The following PTGES2 variants were observed in gnomAD, a reference collection of about 807,000 sequenced individuals.
PTGES2 encodes the protein GATE-binding factor 1.
In PTGES2, 35 loss-of-function variants were observed where a neutral mutation model predicts 44.5. That is an observed-to-expected ratio of 0.79 (90% CI 0.60 to 1.04). PTGES2 has a LOEUF of 1.04. PTGES2 is among the 50% of genes least tolerant of loss of function. PTGES2 has a pLI of 0.00. For missense variants in PTGES2, 517 were observed against 521.4 expected, an observed-to-expected ratio of 0.99 and a Z score of 0.08; for synonymous variants, 221 against 227.5, an observed-to-expected ratio of 0.97 and a Z score of 0.26.
At position 128,124,495 on chromosome 9, in the gene PTGES2, G is replaced by A. The variant is rs766720673; in HGVS notation, c.533C>T (p.Ser178Leu). 11 of 1,613,534 alleles carry A rather than the reference G, an allele frequency of 6.8e-6. No individual in the cohort carries two copies. The highest frequency in any genetic ancestry group is 1.7e-4 in the Middle Eastern group (1 of 5,972). Reference sequence around the variant, plus strand: ...TGGTCTCCGAGGGGCTCCTTACCCCGACACCAGGTAGGTCTTGAGGGCGCT... The same window carrying A: ...TGGTCTCCGAGGGGCTCCTTACCCCAACACCAGGTAGGTCTTGAGGGCGCT... ...IISALKTYLV[S>L]GQPLEEIITY... The change falls in exon 3 of 7, where the codon TCG (serine) becomes TTG (leucine). Residue 178 changes from serine (S) to leucine (L), a missense_variant. Coordinates refer to ENST00000338961, the MANE Select transcript of PTGES2 (RefSeq NM_025072.7).
chr9:128,124,008 TC>T (rs1834524773), intron 3 of PTGES2, among the ~76,000 whole-genome samples, 157 bp from the exon 4 acceptor site: 1 of 151,742 alleles, frequency 6.6e-6, no homozygotes, highest in African/African-American at 2.4e-5. Context: ...CAGGGCTACC[TC>T]CCCAAGAGAG....
intron 6 of PTGES2, 131 bp downstream of exon 6, chr9:128,122,231 G>C (rs1834436715): frequency 1.4e-6 from 1 of 734,282 alleles, no homozygotes; most frequent in East Asian, 2.5e-5. Context: ...GCGAGTTTCT[G>C]TCCGTGATGG....
chr9:128,126,725 T>A (rs760843594), intron 1 of PTGES2, among the ~76,000 whole-genome samples: 1 of 151,190 alleles, frequency 6.6e-6, no homozygotes, highest in Non-Finnish European at 1.5e-5. Flanking sequence ...CCGGGCTGGG[T>A]GGCAGGCGCC....
At position 128,127,512 on chromosome 9, in the gene PTGES2, G is replaced by T; in HGVS notation, c.206C>A (p.Ala69Asp). 1.5e-6 allele frequency: 2 copies of T among 1,340,500 alleles called. No individual in the cohort carries two copies. The highest frequency in any genetic ancestry group is 1.9e-6 in the Non-Finnish European group (2 of 1,044,566). 83.0% of individuals were successfully genotyped at this position (1,340,500 alleles called of 1,614,324 possible). ...LGAAALALGG[A>D]LGLYHTARWH... ...CCGCGCCGTGTGGTACAGCCCCAGG[G>T]CTCCCCCCAGGGCCAGCGCCGCAGC... Residue 69 changes from alanine (A) to aspartate (D), a missense_variant, in exon 1 of 7, where the codon GCC becomes GAC. By Grantham distance (126) the Ala-to-Asp change is moderately radical. Transcript: ENST00000338961.
upstream of PTGES2, chr9:128,127,763 C>G (rs985829791): frequency 8.0e-7 from 1 of 1,242,538 alleles, no homozygotes; most frequent in South Asian, 3.2e-5. Flanking sequence ...ACGAAGACGC[C>G]GAGGCACGCG....
chr9:128,127,786 G>A, upstream of PTGES2: 5 of 1,226,196 alleles, frequency 4.1e-6, no homozygotes, highest in South Asian at 6.4e-5. Flanking sequence ...GCGTTTAAAG[G>A]GCCAGGACTC....
At chr9:128,128,214 C>G (rs1003523756), upstream of PTGES2, 36 of 424,524 alleles carry the variant, frequency 8.5e-5, no homozygotes, top group South Asian at 6.1e-4. Flanking sequence ...TGTCCGCTTC[C>G]TACTGTGACC....
At position 128,124,526 on chromosome 9, in the gene PTGES2, T is replaced by C. The variant is rs1359335266; in HGVS notation, c.502A>G (p.Ile168Val). The change falls in exon 3 of 7, where the codon ATC becomes GTC. Residue 168 changes from isoleucine (I) to valine (V), a missense_variant. By Grantham distance (29) the Ile-to-Val change is conservative. Coordinates refer to ENST00000338961, the MANE Select transcript of PTGES2 (RefSeq NM_025072.7). Reference protein sequence around the residue: ...SSQQLNDSSVIISALKTYLVS... With the variant: ...SSQQLNDSSVVISALKTYLVS... ...AGGTAGGTCTTGAGGGCGCTGATGA[T>C]GACAGAGGAGTCATTTAGTTGTTGC... 6.2e-7 allele frequency: 1 copy of C among 1,613,652 alleles called. No individual in the cohort carries two copies. The highest frequency in any genetic ancestry group is 1.3e-5 in the African/African-American group (1 of 74,930).
chr9:128,125,480 C>A, intron 1 of PTGES2, 39 bp from the exon 2 acceptor site: 2 of 1,596,180 alleles, frequency 1.3e-6, no homozygotes, highest in Non-Finnish European at 1.7e-6. Flanking sequence ...AGACCTGGCA[C>A]CCCCAGGCCC....
At position 128,123,163 on chromosome 9, in the gene PTGES2, C is replaced by G. The variant is rs1834490730; in HGVS notation, c.687-29G>C. 1 of 1,600,086 alleles carries G rather than the reference C, an allele frequency of 6.2e-7. No individual in the cohort carries two copies. The highest frequency in any genetic ancestry group is 1.3e-5 in the African/African-American group (1 of 74,948). ...CGGGCACGGGAGGGACTTCCTAAGC[C>G]AGGACCCGGGCTGTGTTGGGAGCAG... On this transcript the variant is annotated intron_variant, in intron 4 of 6. Transcript: ENST00000338961. This position sits in a 1 kb window ranked among gnomAD's most constrained non-coding sequence, Gnocchi z 4.4.
rs570586255 is a variant in PTGES2 at position 128,124,952 on chromosome 9, C to G, written c.477+292G>C. 5.5e-4 allele frequency: 545 copies of G among 993,930 alleles called. 1 individual carries two copies. The highest frequency in any genetic ancestry group is 7.3e-4 in the Middle Eastern group (2 of 2,750). The allele number at this position is 993,930 out of a possible 1,614,324, so 61.6% of individuals were successfully genotyped here. On this transcript the variant is annotated intron_variant, in intron 2 of 6. Coordinates refer to ENST00000338961, the MANE Select transcript of PTGES2 (RefSeq NM_025072.7). Reference sequence around the variant, plus strand: ...GCTAAGTGACTTGCCCCAAGTCACACAGCTAGTGAGTGGGTGAATCACACC... The same window carrying G: ...GCTAAGTGACTTGCCCCAAGTCACAGAGCTAGTGAGTGGGTGAATCACACC...
chr9:128,127,477 G>A lies in PTGES2; in HGVS notation c.241C>T (p.Arg81Cys), dbSNP rs759728699. The change falls in exon 1 of 7, where the codon CGC (arginine) becomes TGC (cysteine). Residue 81 changes from arginine to cysteine, a missense_variant. Coordinates refer to ENST00000338961, the MANE Select transcript of PTGES2 (RefSeq NM_025072.7). ...GLYHTARWHL[R>C]AQDLHAERSA... is the part of the protein sequence containing the mutation. ...CGCTCTGCGTGGAGGTCCTGGGCGC[G>A]CAGGTGCCACCGCGCCGTGTGGTAC... The A allele has an allele frequency of 2.9e-6, 4 of 1,401,972 alleles. No individual in the cohort carries two copies. Among genetic ancestry groups the A allele is most frequent in the Admixed American group, 5.1e-5 (2 of 38,868 alleles). The allele number at this position is 1,401,972 out of a possible 1,614,324, so 86.8% of individuals were successfully genotyped here.
rs949003390 is a variant in PTGES2 at position 128,120,797 on chromosome 9, G to A, written c.*348C>T. ...AGAGTGGGAACCAGGGGAACCCAGG[G>A]ATGGGATTCCACTGAAAACAAACCG... On this transcript the variant is annotated 3_prime_UTR_variant, in exon 7 of 7. Transcript: ENST00000338961. The A allele has an allele frequency of 4.0e-6, 1 of 252,170 alleles. No individual in the cohort carries two copies. Among genetic ancestry groups the A allele is most frequent in the African/African-American group, 2.3e-5 (1 of 44,340 alleles). The allele number at this position is 252,170 out of a possible 1,614,324, so 15.6% of individuals were successfully genotyped here.
At chr9:128,127,191 C>CAAAAAAAAAAAAAAAAAAAAAAA (rs59234287) in intron 1 of PTGES2, among the ~76,000 whole-genome samples, 1 of 24,492 alleles carries the variant, frequency 4.1e-5, no homozygotes, top group Non-Finnish European at 8.2e-5. Flanking sequence ...ATAAACAAAC[C>CAAAAAAAAAAAAAAAAAAAAAAA]AAAAAAAAAA....
In PTGES2 at chr9:128,123,113, C is replaced by G. The variant is rs1289057331; in HGVS notation, c.708G>C (p.Gln236His). The G allele has an allele frequency of 6.2e-7, 1 of 1,610,350 alleles. No individual in the cohort carries two copies. Among genetic ancestry groups the G allele is most frequent in the Non-Finnish European group, 8.5e-7 (1 of 1,179,954 alleles). ...EARTEEMKWR[Q>H]WADDWLVHLI... ...GGTGCACCAGCCAGTCGTCCGCCCA[C>G]TGCCGCCACTTCATCTCCTCCCTGC... Residue 236 changes from glutamine to histidine, a missense_variant, in exon 5 of 7, where the codon CAG becomes CAC. Gln to His is a conservative substitution (Grantham distance 24). Transcript: ENST00000338961. The surrounding 1 kb of genome is among the most constrained non-coding windows in gnomAD (Gnocchi z 4.4).
At chr9:128,127,792 G>A (rs905215575), upstream of PTGES2, 13 of 1,213,724 alleles carry the variant, frequency 1.1e-5, no homozygotes, top group African/African-American at 6.3e-5. Flanking sequence ...AAAGGGCCAG[G>A]ACTCTGGCGC....
chr9:128,121,500 C>T (rs1442848468), intron 6 of PTGES2, among the ~76,000 whole-genome samples: 1 of 148,694 alleles, frequency 6.7e-6, no homozygotes, highest in East Asian at 1.9e-4. Flanking sequence ...AGACCCTGCC[C>T]CCCAGCAAGT....
rs767942959 is a variant in PTGES2 at position 128,123,796 on chromosome 9, G to A, written c.592C>T (p.Gln198Ter). The A allele has an allele frequency of 1.2e-6, 2 of 1,614,090 alleles. No homozygotes were observed. The highest frequency in any genetic ancestry group is 2.2e-5 in the East Asian group (1 of 44,868). ...YYPAMKAVNE[Q>*]GKEVTEFGNK... ...CCGAACTCGGTCACCTCCTTGCCCT[G>A]CTCGTTCACAGCCTTCATGGCTGGG... The change falls in exon 4 of 7, where the codon CAG becomes TAG. Residue 198 changes from glutamine (Q) to a stop codon, truncating the protein, a stop_gained. Coordinates refer to ENST00000338961, the MANE Select transcript of PTGES2 (RefSeq NM_025072.7). LOFTEE classifies it high-confidence loss of function. This position sits in a 1 kb window ranked among gnomAD's most constrained non-coding sequence, Gnocchi z 4.4.
chr9:128,128,170 A>AGGTGCCTGGC (rs11283643), upstream of PTGES2: 2 of 362,904 alleles, frequency 5.5e-6, no homozygotes, highest in Non-Finnish European at 1.1e-5. Context: ...ACCCGGCACC[A>AGGTGCCTGGC]GGTGTTGCGG....
Sources: allele counts gnomAD v4.1 joint callset (sites outside exome capture counted in the v4.1 genomes callset), GRCh38; gene constraint gnomAD v4.1.1; non-coding constraint Gnocchi (gnomAD v3.1); transcripts MANE v1.5; gene names NCBI Gene and HGNC (gene_info 2026-07-23, HGNC 2026-07-21).